Variants in CGNL1 observed in about 807,000 individuals in gnomAD.
The protein encoded by CGNL1 is cingulin like 1, also known as cingulin-like protein 1.
Under a neutral mutation model 141.2 loss-of-function variants are expected in CGNL1, and 132 were observed. That is an observed-to-expected ratio of 0.93 (90% CI 0.81 to 1.08). CGNL1 has a LOEUF of 1.08. Among genes scored for constraint, CGNL1 ranks in the 50% least tolerant of loss-of-function variants. CGNL1 has a pLI of 0.00. For missense variants in CGNL1, 1,870 were observed against 1,588.6 expected (o/e 1.18, Z -3.01); for synonymous variants, 690 against 622.1 (o/e 1.11, Z -1.63).
chr15:57,383,617 TTTTCTTTTCTTTTC>T (rs757185458), intron 1 of CGNL1, among the ~76,000 whole-genome samples: 33,593 of 127,104 alleles, frequency 0.26, 4,931 homozygotes, highest in East Asian at 0.48. Flanking sequence ...TTTTCTTTTC[TTTTCTTTTCTTTTC>T]TTTTTTTTTT....
intron 8 of CGNL1, among the ~76,000 whole-genome samples, chr15:57,484,708 C>T (rs965887622): frequency 1.1e-4 from 16 of 152,064 alleles, no homozygotes; most frequent in African/African-American, 1.7e-4. Context: ...AATGAGCTTC[C>T]TCCCCTTACC....
At chr15:57,421,122 G>A (rs1281461855) in intron 1 of CGNL1, among the ~76,000 whole-genome samples, 2 of 152,176 alleles carry the variant, frequency 1.3e-5, no homozygotes, top group African/African-American at 4.8e-5. Flanking sequence ...GATTATCTGT[G>A]TGCTCTTACC....
At chr15:57,450,509 T>G (rs1427519340) in intron 4 of CGNL1, among the ~76,000 whole-genome samples, 8 of 152,212 alleles carry the variant, frequency 5.3e-5, no homozygotes, top group Non-Finnish European at 2.9e-5. Flanking sequence ...ACTCCTGACC[T>G]CAGGTGATCG....
At chr15:57,528,851 C>T in intron 13 of CGNL1, 36 bp downstream of exon 13, 2 of 1,605,528 alleles carry the variant, frequency 1.2e-6, no homozygotes, top group South Asian at 2.2e-5. Flanking sequence ...GGGGGACCTG[C>T]AGAGAGCGAG....
At position 57,524,564 on chromosome 15, in the gene CGNL1, C is replaced by T. The variant is rs144008281; in HGVS notation, c.2869-17C>T. On this transcript the variant is annotated splice_polypyrimidine_tract_variant and intron_variant, in intron 11 of 18. Transcript: ENST00000281282. ...GAGCATCCCAGGGTGGGCTCACACC[C>T]GTGTCACTTCTTCTAGATGGCAGAC... 4,264 of 1,607,308 alleles carry T rather than the reference C, an allele frequency of 2.7e-3. 7 individuals carry two copies. The highest frequency in any genetic ancestry group is 7.2e-3 in the Middle Eastern group (37 of 5,160).
chr15:57,379,079 T>C (rs2062398485), intron 1 of CGNL1, among the ~76,000 whole-genome samples: 1 of 152,106 alleles, frequency 6.6e-6, no homozygotes, highest in South Asian at 2.1e-4. Context: ...AGTGAGACCA[T>C]GCCAACAAAA....
intron 13 of CGNL1, chr15:57,529,060 G>T: frequency 2.5e-6 from 1 of 393,020 alleles, no homozygotes; most frequent in Non-Finnish European, 4.6e-6. Context: ...TGTCTTGAGA[G>T]GAAATGGAAC....
At position 57,547,226 on chromosome 15, in the gene CGNL1, T is replaced by C. The variant is rs189204401; in HGVS notation, c.3774-129T>C. On this transcript the variant is annotated intron_variant, in intron 18 of 18. Transcript: ENST00000281282. The stretch of plus-strand genomic sequence containing the variant: ...GGCCATCAGGTGGAGACCTGTTACA[T>C]TCATGTGTTTCTTTTCTGTGCCACT... The C allele has an allele frequency of 9.0e-5, 91 of 1,014,146 alleles. No homozygotes were observed. In the African/African-American group the frequency reaches 1.3e-3, roughly 14 times the overall value. 62.8% of individuals were successfully genotyped at this position (1,014,146 alleles called of 1,614,324 possible).
At chr15:57,446,477 A>G (rs1482123697) in intron 4 of CGNL1, among the ~76,000 whole-genome samples, 2 of 152,132 alleles carry the variant, frequency 1.3e-5, no homozygotes, top group African/African-American at 4.8e-5. Context: ...ATGTATTATA[A>G]TAAGTATTCT....
chr15:57,420,351 T>A (rs1324557059), intron 1 of CGNL1, among the ~76,000 whole-genome samples: 1 of 152,188 alleles, frequency 6.6e-6, no homozygotes, highest in East Asian at 1.9e-4. Context: ...TATATAGACA[T>A]GTTTATAAAT....
rs759840304 is a variant in CGNL1 at position 57,452,166 on chromosome 15, G to C, written c.1931G>C (p.Arg644Thr). 6.2e-7 allele frequency: 1 copy of C among 1,613,694 alleles called. No homozygotes were observed. Among genetic ancestry groups the C allele is most frequent in the South Asian group, 1.1e-5 (1 of 91,002 alleles). ...VKNQQNIKEE[R>T]ERMRANLEEL... ...AATCAACAGAACATTAAAGAAGAGA[G>C]AGAGAGGATGAGAGCAAACCTAGAA... Residue 644 changes from arginine to threonine, a missense_variant, in exon 6 of 19, where the codon AGA becomes ACA. Physicochemically the swap from Arg to Thr is moderately conservative, Grantham distance 71. Transcript: ENST00000281282.
intron 1 of CGNL1, chr15:57,394,081 A>G (rs1337830102): frequency 1.7e-5 from 2 of 119,928 alleles, no homozygotes; most frequent in African/African-American, 5.8e-5. Context: ...GGCACGCACC[A>G]CCAAACCAGG....
intron 1 of CGNL1, among the ~76,000 whole-genome samples, chr15:57,392,828 T>C (rs1419992567): frequency 6.6e-6 from 1 of 152,196 alleles, no homozygotes; most frequent in Non-Finnish European, 1.5e-5. Flanking sequence ...GAATGAACAG[T>C]CATTTTTTTT....
chr15:57,462,029 T>A, intron 8 of CGNL1, 137 bp downstream of exon 8: 3 of 707,296 alleles, frequency 4.2e-6, no homozygotes, highest in South Asian at 3.6e-5. Context: ...GACACAGAGC[T>A]TATTAACAAA....
At chr15:57,459,412 G>T (rs2063418801) in intron 7 of CGNL1, among the ~76,000 whole-genome samples, 1 of 152,200 alleles carries the variant, frequency 6.6e-6, no homozygotes, top group Non-Finnish European at 1.5e-5. Flanking sequence ...AAAGTGTTAA[G>T]TACTGTGAGA....
At chr15:57,403,001 A>G (rs1158138361) in intron 1 of CGNL1, among the ~76,000 whole-genome samples, 2 of 152,200 alleles carry the variant, frequency 1.3e-5, no homozygotes, top group African/African-American at 4.8e-5. Flanking sequence ...ACTTTTCTGA[A>G]TCTCCTAGAG....
chr15:57,463,903 A>G (rs756735131), intron 8 of CGNL1, among the ~76,000 whole-genome samples: 1 of 152,032 alleles, frequency 6.6e-6, no homozygotes, highest in East Asian at 1.9e-4. Context: ...CTAGATACCT[A>G]TACTCCCTTT....
chr15:57,409,137 C>G (rs1052322111), intron 1 of CGNL1, among the ~76,000 whole-genome samples: 1 of 151,920 alleles, frequency 6.6e-6, no homozygotes, highest in Non-Finnish European at 1.5e-5. Context: ...GAACTAACCA[C>G]GTGCACACGC....
chr15:57,391,283 C>T (rs1487473185), intron 1 of CGNL1, among the ~76,000 whole-genome samples: 8 of 152,204 alleles, frequency 5.3e-5, no homozygotes, highest in African/African-American at 9.6e-5. Context: ...ATGTGAGCCT[C>T]GTGCCCATAA....
Sources: gnomAD v4.1 joint callset for allele counts (sites outside exome capture counted in the v4.1 genomes callset) on GRCh38, gnomAD v4.1.1 for gene constraint, MANE v1.5 for transcripts, NCBI Gene and HGNC (gene_info 2026-07-23, HGNC 2026-07-21) for gene names.